Variants in PLD5 observed in about 807,000 individuals in gnomAD.
PLD5 encodes phospholipase D family member 5.
Under a neutral mutation model 61.1 loss-of-function variants are expected in PLD5, and 36 were observed. The ratio of observed to expected loss-of-function variants is 0.59; its 90% CI spans 0.45 to 0.78. The LOEUF is 0.78. PLD5 is among the 30% of genes least tolerant of loss of function. PLD5 has a pLI of 0.00. For synonymous variants in PLD5, 243 were observed against 242.8 expected (o/e 1.00, Z -0.01); for missense variants, 515 against 644.4 (o/e 0.80, Z 2.17).
chr1:242,231,614 G>T (rs1671305770), intron 4 of PLD5, among the ~76,000 whole-genome samples: 1 of 152,194 alleles, frequency 6.6e-6, no homozygotes, highest in Admixed American at 6.5e-5. Context: ...CTACCATTGA[G>T]TTAGGTAAAA....
At chr1:242,190,024 A>C (rs2148925305) in intron 5 of PLD5, among the ~76,000 whole-genome samples, 1 of 151,146 alleles carries the variant, frequency 6.6e-6, no homozygotes, top group Middle Eastern at 3.5e-3. Context: ...CCCTCTGCAG[A>C]GCTCTCCGTG....
chr1:242,115,668 A>T (rs1661890761), intron 6 of PLD5, among the ~76,000 whole-genome samples: 1 of 151,888 alleles, frequency 6.6e-6, no homozygotes, highest in Non-Finnish European at 1.5e-5. Context: ...AAAAAAAAAA[A>T]ATCTTGGAGT....
intron 5 of PLD5, among the ~76,000 whole-genome samples, chr1:242,187,319 A>T (rs759644055): frequency 6.6e-6 from 1 of 152,142 alleles, no homozygotes; most frequent in Non-Finnish European, 1.5e-5. Context: ...GGCAACCAAC[A>T]TGAGGATAAA....
intron 1 of PLD5, among the ~76,000 whole-genome samples, chr1:242,441,893 C>T (rs1004344801): frequency 1.3e-5 from 2 of 152,192 alleles, no homozygotes; most frequent in Non-Finnish European, 2.9e-5. Flanking sequence ...TAAACTTATT[C>T]CTTACAAAGA....
At chr1:242,353,088 G>T (rs1660565164) in intron 1 of PLD5, among the ~76,000 whole-genome samples, 1 of 152,116 alleles carries the variant, frequency 6.6e-6, no homozygotes, top group South Asian at 2.1e-4. Context: ...CTTTCGAGGT[G>T]AAATGTAAAA....
intron 1 of PLD5, among the ~76,000 whole-genome samples, chr1:242,348,833 T>A (rs1473120021): frequency 2.0e-5 from 3 of 152,078 alleles, no homozygotes; most frequent in Non-Finnish European, 4.4e-5. Context: ...GGCGGGCAGA[T>A]CATGAGGTCA....
intron 2 of PLD5, among the ~76,000 whole-genome samples, chr1:242,344,504 A>G (rs2149216246): frequency 6.6e-6 from 1 of 152,322 alleles, no homozygotes; most frequent in East Asian, 1.9e-4. Context: ...CGTGGGAGGA[A>G]AAGGAAGTAG....
chr1:242,503,361 T>A (rs1017133245), intron 1 of PLD5, among the ~76,000 whole-genome samples: 15 of 152,176 alleles, frequency 9.9e-5, no homozygotes, highest in Non-Finnish European at 1.5e-5. Context: ...CTGCTTTGCC[T>A]TCCACCATGA....
intron 1 of PLD5, among the ~76,000 whole-genome samples, chr1:242,412,648 A>G (rs933185891): frequency 3.9e-5 from 6 of 152,194 alleles, no homozygotes; most frequent in Non-Finnish European, 8.8e-5. Flanking sequence ...ATTTGTATCA[A>G]GGGTGTTTCT....
chr1:242,303,774 A>G (rs1676192038), intron 2 of PLD5, among the ~76,000 whole-genome samples: 1 of 152,216 alleles, frequency 6.6e-6, no homozygotes, highest in Admixed American at 6.5e-5. Flanking sequence ...TTGACACCAG[A>G]TCTTACCCAG....
intron 1 of PLD5, among the ~76,000 whole-genome samples, chr1:242,368,235 C>T (rs1269081764): frequency 3.3e-5 from 5 of 152,122 alleles, no homozygotes; most frequent in African/African-American, 4.8e-5. Flanking sequence ...GCCTTGCTCC[C>T]GTATTCACCC....
intron 5 of PLD5, among the ~76,000 whole-genome samples, chr1:242,208,367 C>T (rs1013980025): frequency 2.0e-5 from 3 of 152,048 alleles, no homozygotes; most frequent in Admixed American, 6.6e-5. Context: ...TCATTTAGCA[C>T]CAGGGCTGGC....
At position 242,313,159 on chromosome 1, in the gene PLD5, G is replaced by A. The variant is rs74152335; in HGVS notation, c.327-24629C>T. Among the ~76,000 whole-genome samples, 1,500 of 152,320 alleles carry A rather than the reference G, an allele frequency of 9.8e-3. 30 individuals are homozygous for A. The highest frequency in any genetic ancestry group is 0.034 in the African/African-American group (1,433 of 41,568). On this transcript the variant is annotated intron_variant, in intron 2 of 9. Coordinates refer to ENST00000536534, the MANE Select transcript of PLD5 (RefSeq NM_001372062.1). ...ATCATAAAAATAGTACAATTGCAGA[G>A]TATAAATTTAGTTCCTTATCTTTCT...
At chr1:242,305,754 G>C (rs1285931829) in intron 2 of PLD5, among the ~76,000 whole-genome samples, 3 of 152,130 alleles carry the variant, frequency 2.0e-5, no homozygotes, top group Admixed American at 1.3e-4. Flanking sequence ...TAGAGATATG[G>C]TTTCACCATG....
chr1:242,086,107 CA>C lies in PLD5; in HGVS notation c.*3746del. The C allele has an allele frequency of 6.6e-6, 1 of 151,958 alleles. No individual in the cohort carries two copies. Among genetic ancestry groups the C allele is most frequent in the Non-Finnish European group, 1.5e-5 (1 of 67,980 alleles). 9.4% of individuals were successfully genotyped at this position (151,958 alleles called of 1,614,324 possible). ...GGCACTTAAACCATTAACTGCATTT[CA>C]AAAAAAATCCCCCACATTTTTCAAA... On this transcript the variant is annotated 3_prime_UTR_variant, in exon 10 of 10. Transcript: ENST00000536534.
chr1:242,509,516 G>T lies in PLD5; in HGVS notation c.189+14572C>A, dbSNP rs147089405. ...ATTCCATCTGTTCCATGCGGCCCCTGCCTTTCTTTCTTCCTCCTTTACACT... is the reference window on the plus strand; with the variant it reads ...ATTCCATCTGTTCCATGCGGCCCCTTCCTTTCTTTCTTCCTCCTTTACACT... On this transcript the variant is annotated intron_variant, in intron 1 of 9. Transcript: ENST00000536534. Among the ~76,000 whole-genome samples the T allele has an allele frequency of 3.2e-3, 484 of 152,298 alleles. 5 individuals are homozygous for T. Among genetic ancestry groups the T allele is most frequent in the African/African-American group, 0.011 (457 of 41,568 alleles).
intron 5 of PLD5, among the ~76,000 whole-genome samples, chr1:242,146,062 A>T (rs1213481304): frequency 6.6e-6 from 1 of 152,198 alleles, no homozygotes; most frequent in Non-Finnish European, 1.5e-5. Flanking sequence ...TCAGAGATGG[A>T]AAGTGGGGAG....
intron 4 of PLD5, among the ~76,000 whole-genome samples, chr1:242,223,479 T>C (rs1670732526): frequency 6.6e-6 from 1 of 152,184 alleles, no homozygotes; most frequent in Admixed American, 6.5e-5. Flanking sequence ...GCAGGAAAGA[T>C]AGTAAATGGC....
Position 242,225,295 on chromosome 1 carries a change from C to T in PLD5, c.608-5180G>A, listed in dbSNP as rs191528065. Among the ~76,000 whole-genome samples, 32 of 151,760 alleles carry T rather than the reference C, an allele frequency of 2.1e-4. No individual in the cohort carries two copies. The East Asian group carries it at 5.6e-3, about 27-fold the overall frequency. Reference sequence around the variant, plus strand: ...ATGGTATGGAATGCACCACACATAACGCATGTAAGACCCATGCATGCTGTC... The same window carrying T: ...ATGGTATGGAATGCACCACACATAATGCATGTAAGACCCATGCATGCTGTC... On this transcript the variant is annotated intron_variant, in intron 4 of 9. Transcript: ENST00000536534.
Sources: allele counts gnomAD v4.1 joint callset (sites outside exome capture counted in the v4.1 genomes callset), GRCh38; gene constraint gnomAD v4.1.1; transcripts MANE v1.5; gene names NCBI Gene and HGNC (gene_info 2026-07-23, HGNC 2026-07-21).